Variants in CCDC57 observed in about 807,000 individuals in gnomAD.
CCDC57 encodes coiled-coil domain containing 57.
Under a neutral mutation model 118.9 loss-of-function variants are expected in CCDC57, and 118 were observed. The observed-to-expected ratio is 0.99, with a 90% CI of 0.86 to 1.16. CCDC57 has a LOEUF of 1.16. CCDC57 is among the 50% of genes most tolerant of loss of function. CCDC57 has a pLI of 0.00. For missense variants in CCDC57, 1,300 were observed against 1,320.7 expected, an observed-to-expected ratio of 0.98 and a Z score of 0.24; for synonymous variants, 527 against 532.9, an observed-to-expected ratio of 0.99 and a Z score of 0.15.
chr17:82,146,136 G>A (rs1325977179), intron 16 of CCDC57, among the ~76,000 whole-genome samples: 1 of 152,206 alleles, frequency 6.6e-6, no homozygotes, highest in Admixed American at 6.5e-5. Context: ...GTTGTGAAGT[G>A]GACTAGAGAA....
chr17:82,162,899 C>T (rs888724408), intron 14 of CCDC57, among the ~76,000 whole-genome samples: 6 of 149,432 alleles, frequency 4.0e-5, no homozygotes, highest in South Asian at 2.1e-4. Flanking sequence ...ACACACGCCC[C>T]ACTGACCAGG....
At chr17:82,139,952 T>A (rs4789682) in intron 16 of CCDC57, among the ~76,000 whole-genome samples, 1 of 152,202 alleles carries the variant, frequency 6.6e-6, no homozygotes, top group Non-Finnish European at 1.5e-5. Flanking sequence ...CGGCTGATGT[T>A]TTTTTAATGT....
At chr17:82,171,416 T>C (rs2044712709) in intron 13 of CCDC57, among the ~76,000 whole-genome samples, 1 of 131,974 alleles carries the variant, frequency 7.6e-6, no homozygotes, top group Non-Finnish European at 1.6e-5. Flanking sequence ...AGGAATTCCA[T>C]TCACACCAAA....
chr17:82,187,099 T>C (rs1484150770), intron 8 of CCDC57, among the ~76,000 whole-genome samples: 1 of 151,576 alleles, frequency 6.6e-6, no homozygotes, highest in African/African-American at 2.4e-5. Flanking sequence ...TAGCCGGGCA[T>C]AGTGGTATAT....
chr17:82,107,612 G>A (rs1364317739), intron 19 of CCDC57: 2 of 470,484 alleles, frequency 4.3e-6, no homozygotes, highest in Non-Finnish European at 8.8e-6. Flanking sequence ...GTTCCAGAAT[G>A]AATGGGGCCC....
chr17:82,195,287 G>A, exon 5 of CCDC57: 1 of 1,599,812 alleles, frequency 6.3e-7, no homozygotes, highest in African/African-American at 1.3e-5. Context: ...ACAAGGCTGT[G>A]TTGCTCATGT....
intron 5 of CCDC57, 170 bp from the exon 5 acceptor site, chr17:82,194,309 CT>C (rs10626911): frequency 7.0e-3 from 3,614 of 513,420 alleles, no homozygotes; most frequent in Non-Finnish European, 9.0e-3. Context: ...GACTCAATGA[CT>C]TTTTTTTTTT....
intron 19 of CCDC57, chr17:82,126,702 C>T (rs1021480734): frequency 1.2e-5 from 12 of 985,420 alleles, no homozygotes; most frequent in Non-Finnish European, 1.3e-5. Flanking sequence ...ACACGTGGCA[C>T]GCGGGCAGCC....
chr17:82,109,316 C>T lies in CCDC57; in HGVS notation c.2900-7450G>A, dbSNP rs1424907765. On this transcript the variant is annotated intron_variant, in intron 19 of 19. Transcript: ENST00000665763. ...CTGCGAGGGGCCTACGAGGCGGCTG[C>T]GAGGCATAAGGTTCTGTGAGCCCGG... 3.3e-5 allele frequency among the ~76,000 whole-genome samples: 5 copies of T among 152,336 alleles called. No individual in the cohort carries two copies. In the South Asian group the frequency reaches 1.0e-3, roughly 32 times the overall value.
chr17:82,198,326 A>G (rs2048546953), exon 4 of CCDC57: 1 of 1,612,386 alleles, frequency 6.2e-7, no homozygotes, highest in Non-Finnish European at 8.5e-7. Context: ...GTCTCTGCAG[A>G]GCAAGCTCAC....
chr17:82,102,323 C>G (rs2034507707), intron 19 of CCDC57, among the ~76,000 whole-genome samples: 1 of 152,234 alleles, frequency 6.6e-6, no homozygotes, highest in Admixed American at 6.5e-5. Flanking sequence ...GATGGGCCAG[C>G]AGTGCCAGGC....
chr17:82,126,832 A>C, intron 19 of CCDC57: 4 of 985,434 alleles, frequency 4.1e-6, no homozygotes, highest in Non-Finnish European at 4.8e-6. Flanking sequence ...TAAAATGCGC[A>C]TGAAGGAGAG....
chr17:82,143,802 A>G (rs926236883), intron 16 of CCDC57, among the ~76,000 whole-genome samples: 6 of 152,050 alleles, frequency 3.9e-5, no homozygotes, highest in Non-Finnish European at 5.9e-5. Context: ...GAAAAGTCTA[A>G]AAACAGCTTC....
At chr17:82,111,808 A>C (rs9902288) in intron 19 of CCDC57, among the ~76,000 whole-genome samples, 1,899 of 152,014 alleles carry the variant, frequency 0.012, 40 homozygotes, top group African/African-American at 0.043. Context: ...GGTTTTACCA[A>C]GTTGGCCAGG....
chr17:82,131,302 G>A (rs1379803917), intron 17 of CCDC57, among the ~76,000 whole-genome samples: 1 of 151,850 alleles, frequency 6.6e-6, no homozygotes, highest in Non-Finnish European at 1.5e-5. Context: ...CTGGTGGTGT[G>A]TGCCTGTAAT....
intron 16 of CCDC57, among the ~76,000 whole-genome samples, chr17:82,150,064 CACACACTCAGAACCTGGT>C (rs1568269429): frequency 7.7e-6 from 1 of 129,274 alleles, no homozygotes; most frequent in Non-Finnish European, 1.6e-5. Context: ...CAGAACCAGG[CACACACTCAGAACCTGGT>C]GCACACCCAG....
rs116352778 is a variant in CCDC57 at position 82,159,546 on chromosome 17, C to T, written c.2041-1598G>A. Among the ~76,000 whole-genome samples the T allele has an allele frequency of 1.9e-3, 286 of 152,280 alleles. 1 individual carries two copies. The highest frequency in any genetic ancestry group is 6.6e-3 in the African/African-American group (274 of 41,562). ...CCAATCAAGGCGAGGCGTTAGGCAT[C>T]AGCAGAAAATGAGAGGTATGAGGGT... On this transcript the variant is annotated intron_variant, in intron 14 of 19. Transcript: ENST00000665763.
chr17:82,120,912 C>T (rs1207619366), intron 19 of CCDC57, among the ~76,000 whole-genome samples: 3 of 152,168 alleles, frequency 2.0e-5, no homozygotes, highest in Admixed American at 1.3e-4. Flanking sequence ...TCCGCCACCA[C>T]GCCCGGCTAA....
chr17:82,104,160 C>T lies in CCDC57; in HGVS notation c.2900-2294G>A, dbSNP rs189366810. 2.2e-3 allele frequency among the ~76,000 whole-genome samples: 337 copies of T among 152,374 alleles called. 1 individual carries two copies. The highest frequency in any genetic ancestry group is 6.8e-3 in the Middle Eastern group (2 of 294). On this transcript the variant is annotated intron_variant, in intron 19 of 19. Transcript: ENST00000665763. ...ACTGGTGTGTAAAAACGCTCTTGGC[C>T]TCCACCACTCTCTGCCCCGCCTTCT...
Sources: gnomAD v4.1 joint callset for allele counts (sites outside exome capture counted in the v4.1 genomes callset) on GRCh38, gnomAD v4.1.1 for gene constraint, MANE v1.5 for transcripts, NCBI Gene and HGNC (gene_info 2026-07-23, HGNC 2026-07-21) for gene names.